PDE1B: variants seen among roughly 807,000 people sequenced by gnomAD.
PDE1B encodes dual specificity calcium/calmodulin-dependent 3',5'-cyclic nucleotide phosphodiesterase 1B.
PDE1B carries 13 observed loss-of-function variants against 66.7 expected under a neutral mutation model. The ratio of observed to expected loss-of-function variants is 0.19; its 90% CI spans 0.13 to 0.31. The LOEUF (loss-of-function observed/expected upper bound fraction) is 0.31. Ranked by LOEUF, PDE1B falls within the 10% of genes least tolerant of loss-of-function variation. The pLI is 1.00. For missense variants in PDE1B, 485 were observed against 682.3 expected (o/e 0.71, Z 3.22); for synonymous variants, 230 against 253.9 (o/e 0.91, Z 0.90).
intron 2 of PDE1B, among the ~76,000 whole-genome samples, chr12:54,557,684 T>A (rs991201976): frequency 6.6e-6 from 1 of 152,188 alleles, no homozygotes; most frequent in Admixed American, 6.5e-5. Flanking sequence ...TACTTTCCCA[T>A]CCCAGACTAC....
At chr12:54,555,663 A>G (rs1470019105) in intron 2 of PDE1B, among the ~76,000 whole-genome samples, 1 of 152,178 alleles carries the variant, frequency 6.6e-6, no homozygotes, top group East Asian at 1.9e-4. Flanking sequence ...CCTTGAAAAC[A>G]GGTCTTCCCT....
At chr12:54,576,179 C>A (rs1342544591) in intron 13 of PDE1B, 79 bp downstream of exon 13, 3 of 880,292 alleles carry the variant, frequency 3.4e-6, no homozygotes, top group East Asian at 4.9e-5. Context: ...CAGAGAGGAC[C>A]GACTCACAGC....
rs1238115235 is a variant in PDE1B, at chr12:54,549,743, A to G, written c.-43A>G. 4.5e-6 allele frequency: 3 copies of G among 669,786 alleles called. No homozygotes were observed. The highest frequency in any genetic ancestry group is 5.4e-5 in the East Asian group (2 of 37,152). 41.5% of individuals were successfully genotyped at this position (669,786 alleles called of 1,614,324 possible). A position where few individuals can be genotyped will look rare whatever the true frequency, so the allele number is the denominator to read the frequency against. On this transcript the variant is annotated 5_prime_UTR_variant, in exon 1 of 16. Coordinates refer to ENST00000243052, the MANE Select transcript of PDE1B (RefSeq NM_000924.4). ...GCCAGCTTGGGCCGAGCCTAGAGAC[A>G]CCGGCCTGGCTGGTCCACGCCAGCC...
At chr12:54,572,436 C>A in intron 6 of PDE1B, 165 bp from the exon 7 acceptor site, 1 of 680,730 alleles carries the variant, frequency 1.5e-6, no homozygotes, top group Non-Finnish European at 2.7e-6. Context: ...GGTTGCACAG[C>A]CAGCAGGTGG....
At chr12:54,566,535 G>C (rs1957519347) in intron 2 of PDE1B, among the ~76,000 whole-genome samples, 1 of 152,196 alleles carries the variant, frequency 6.6e-6, no homozygotes, top group Admixed American at 6.5e-5. Flanking sequence ...GGGCTATCTT[G>C]ATTGCTATTG....
intron 2 of PDE1B, among the ~76,000 whole-genome samples, chr12:54,566,323 A>C (rs1364078300): frequency 2.6e-5 from 4 of 152,210 alleles, no homozygotes; most frequent in Non-Finnish European, 5.9e-5. Context: ...CTGGAAAGGC[A>C]GGGGTTAACC....
chr12:54,564,196 C>T lies in PDE1B; in HGVS notation c.114-2778C>T, dbSNP rs1288395071. On this transcript the variant is annotated intron_variant, in intron 2 of 15. Coordinates refer to ENST00000243052, the MANE Select transcript of PDE1B (RefSeq NM_000924.4). ...TCAAATAACACCCCCCACACCCATA[C>T]TTTCTGGCCTGGCAGGACCTTCTCT... Among the ~76,000 whole-genome samples, 5 of 152,136 alleles carry T rather than the reference C, an allele frequency of 3.3e-5. No homozygotes were observed. In the East Asian group the frequency reaches 9.6e-4, roughly 29 times the overall value.
rs1454460079 is a variant in PDE1B, at chr12:54,575,500, G to A, written c.1186-51G>A. The A allele has an allele frequency of 3.1e-6, 4 of 1,288,396 alleles. No homozygotes were observed. In the African/African-American group the frequency reaches 5.8e-5, roughly 19 times the overall value. The allele number at this position is 1,288,396 out of a possible 1,614,324, so 79.8% of individuals were successfully genotyped here. On this transcript the variant is annotated intron_variant, in intron 11 of 15. Transcript: ENST00000243052. The surrounding 1 kb of genome is among the most constrained non-coding windows in gnomAD (Gnocchi z 4.0). ...CACTTGCCACCTGTACCCCAGATCT[G>A]GTAGGTCTGAGGTATCCTCTCCAGC...
At chr12:54,576,419 A>T in intron 13 of PDE1B, 152 bp from the exon 14 acceptor site, 1 of 809,364 alleles carries the variant, frequency 1.2e-6, no homozygotes. Context: ...GGAGAGGGAC[A>T]GGGACTTGGG....
At position 54,577,212 on chromosome 12, in the gene PDE1B, T is replaced by C. The variant is rs753506144; in HGVS notation, c.1508-13T>C. 5 of 1,609,094 alleles carry C rather than the reference T, an allele frequency of 3.1e-6. No homozygotes were observed. Among genetic ancestry groups the C allele is most frequent in the Non-Finnish European group, 4.3e-6 (5 of 1,175,968 alleles). ...CTTGGCCTAAGCTCAGCCTCCTTTATGCTCCTCTACAGGCATCACCAACCA... is the reference window on the plus strand; with the variant it reads ...CTTGGCCTAAGCTCAGCCTCCTTTACGCTCCTCTACAGGCATCACCAACCA... On this transcript the variant is annotated splice_polypyrimidine_tract_variant and intron_variant, in intron 14 of 15. Transcript: ENST00000243052.
Position 54,569,388 on chromosome 12 carries a change from C to T in PDE1B, c.410+22C>T, listed in dbSNP as rs756581432. On this transcript the variant is annotated intron_variant, in intron 4 of 15. Transcript: ENST00000243052. This position sits in a 1 kb window ranked among gnomAD's most constrained non-coding sequence, Gnocchi z 4.4. ...AACGGTGAGGCTCGCCCACACTCAG[C>T]CTCCCTCTGCCTTTAGCTGTGCCCC... The T allele has an allele frequency of 8.2e-6, 13 of 1,591,350 alleles. No individual in the cohort carries two copies. Among genetic ancestry groups the T allele is most frequent in the South Asian group, 2.3e-5 (2 of 87,748 alleles).
At chr12:54,570,204 C>A in intron 5 of PDE1B, 37 bp from the exon 6 acceptor site, 2 of 1,266,700 alleles carry the variant, frequency 1.6e-6, no homozygotes, top group Non-Finnish European at 1.2e-6. Context: ...ACCCTTGCTG[C>A]TGCTGGAAAG....
chr12:54,556,706 T>C (rs940522553), intron 2 of PDE1B, among the ~76,000 whole-genome samples: 2 of 152,098 alleles, frequency 1.3e-5, no homozygotes, highest in Non-Finnish European at 2.9e-5. Flanking sequence ...AAGGGGGTGC[T>C]TCAGGTGGTG....
intron 3 of PDE1B, among the ~76,000 whole-genome samples, chr12:54,568,791 A>T (rs570260199): frequency 6.6e-6 from 1 of 152,268 alleles, no homozygotes; most frequent in African/African-American, 2.4e-5. Context: ...GTGAGACTCC[A>T]TCTCAAAAAA....
chr12:54,567,862 A>T (rs7300897), intron 3 of PDE1B, among the ~76,000 whole-genome samples: 129,741 of 150,914 alleles, frequency 0.86, 56,136 homozygotes, highest in East Asian at 0.92. Flanking sequence ...ATATATATAT[A>T]TTTTTTTGTT....
At chr12:54,560,684 G>A (rs1051106453) in intron 2 of PDE1B, among the ~76,000 whole-genome samples, 2 of 152,200 alleles carry the variant, frequency 1.3e-5, no homozygotes, top group Non-Finnish European at 2.9e-5. Flanking sequence ...GTCTGAAGGC[G>A]GGAGAGGGGT....
At chr12:54,555,823 C>G (rs1442756879) in intron 2 of PDE1B, among the ~76,000 whole-genome samples, 1 of 152,186 alleles carries the variant, frequency 6.6e-6, no homozygotes, top group Non-Finnish European at 1.5e-5. Context: ...TTGCTCTTCT[C>G]CCTTGTCCCA....
intron 2 of PDE1B, among the ~76,000 whole-genome samples, chr12:54,552,403 A>G (rs922593999): frequency 1.3e-5 from 2 of 152,192 alleles, no homozygotes; most frequent in African/African-American, 4.8e-5. Context: ...AAATGGAAAC[A>G]TGGCATATAT....
At chr12:54,574,525 C>G (rs1032152134) in intron 10 of PDE1B, 1 of 152,256 alleles carries the variant, frequency 6.6e-6, no homozygotes, top group African/African-American at 2.4e-5. Flanking sequence ...CTCAGTGTCA[C>G]GCGGCTAACA....
Sources: gnomAD v4.1 joint callset for allele counts (sites outside exome capture counted in the v4.1 genomes callset) on GRCh38, gnomAD v4.1.1 for gene constraint, Gnocchi (gnomAD v3.1) non-coding constraint, MANE v1.5 for transcripts, NCBI Gene and HGNC (gene_info 2026-07-23, HGNC 2026-07-21) for gene names.